Variants in FAM222B observed in about 807,000 individuals in gnomAD.
The protein encoded by FAM222B is protein FAM222B.
In FAM222B, 12 loss-of-function variants were observed where a neutral mutation model predicts 38.0. The ratio of observed to expected loss-of-function variants is 0.32; its 90% CI spans 0.20 to 0.51. The LOEUF (loss-of-function observed/expected upper bound fraction) is 0.51. FAM222B is among the 20% of genes least tolerant of loss of function. The pLI is 0.97. For synonymous variants in FAM222B, 329 were observed against 317.2 expected (o/e 1.04, Z -0.40); for missense variants, 716 against 754.2 (o/e 0.95, Z 0.59).
At chr17:28,787,050 G>A (rs1348029745) in intron 1 of FAM222B, among the ~76,000 whole-genome samples, 1 of 151,942 alleles carries the variant, frequency 6.6e-6, no homozygotes, top group African/African-American at 2.4e-5. Flanking sequence ...TCAGCCTCCT[G>A]AGTAGTTGAG....
intron 1 of FAM222B, among the ~76,000 whole-genome samples, chr17:28,835,408 C>T (rs1282790196): frequency 6.6e-6 from 1 of 152,064 alleles, no homozygotes; most frequent in African/African-American, 2.4e-5. Flanking sequence ...CAAGACATAA[C>T]ACATGGTAGA....
chr17:28,758,097 G>C lies in FAM222B; in HGVS notation c.*173C>G. The C allele has an allele frequency of 1.8e-6, 1 of 569,734 alleles. No homozygotes were observed. Among genetic ancestry groups the C allele is most frequent in the Non-Finnish European group, 3.0e-6 (1 of 338,652 alleles). 35.3% of individuals were successfully genotyped at this position (569,734 alleles called of 1,614,324 possible). The stretch of plus-strand genomic sequence containing the variant: ...CATAAAACCAAAAGTTGCTGGAGGG[G>C]AGGACGAGAGGACCCCTTCTGTCCC... On this transcript the variant is annotated 3_prime_UTR_variant, in exon 3 of 3. Coordinates refer to ENST00000581407, the MANE Select transcript of FAM222B (RefSeq NM_001077498.3).
intron 1 of FAM222B, among the ~76,000 whole-genome samples, chr17:28,801,144 G>A (rs948830672): frequency 6.8e-6 from 1 of 146,148 alleles, no homozygotes; most frequent in Non-Finnish European, 1.5e-5. Flanking sequence ...ACGACAGAGC[G>A]AGACTCCGTC....
intron 1 of FAM222B, among the ~76,000 whole-genome samples, chr17:28,841,575 T>C (rs916326104): frequency 6.6e-6 from 1 of 151,996 alleles, no homozygotes; most frequent in African/African-American, 2.4e-5. Context: ...GGGATTTCAC[T>C]ACGTTGGCTA....
chr17:28,767,994 C>T (rs2035422724), intron 1 of FAM222B, among the ~76,000 whole-genome samples: 1 of 152,164 alleles, frequency 6.6e-6, no homozygotes, highest in South Asian at 2.1e-4. Flanking sequence ...GCAATCCTGA[C>T]ATGTCAAGAC....
At chr17:28,779,327 T>TC (rs1567819945) in intron 1 of FAM222B, among the ~76,000 whole-genome samples, 4 of 152,100 alleles carry the variant, frequency 2.6e-5, no homozygotes, top group Non-Finnish European at 5.9e-5. Context: ...AAAAGAAGCA[T>TC]TCACCATGAT....
Position 28,818,833 on chromosome 17 carries a change from A to G in FAM222B, c.-41+23849T>C, listed in dbSNP as rs2038120330. On this transcript the variant is annotated intron_variant, in intron 1 of 2. Transcript: ENST00000581407. ...AAGTAAAAAGCCAAAATCCTGAAAA[A>G]GTTTCACACACATAGACAAAATGAG... Among the ~76,000 whole-genome samples the G allele has an allele frequency of 2.0e-5, 3 of 152,218 alleles. No homozygotes were observed. The South Asian group carries it at 6.2e-4, about 31-fold the overall frequency.
chr17:28,787,925 A>G (rs1035865988), intron 1 of FAM222B, among the ~76,000 whole-genome samples: 10 of 148,802 alleles, frequency 6.7e-5, no homozygotes, highest in Non-Finnish European at 1.2e-4. Context: ...CCTGGGTTCA[A>G]GCAATTCTCC....
At chr17:28,854,917 A>T in intron 1 of FAM222B, 1 of 1,140,748 alleles carries the variant, frequency 8.8e-7, no homozygotes, top group Non-Finnish European at 1.2e-6. Context: ...CCCACATCCC[A>T]TGTGTCTCGG....
At chr17:28,832,736 G>A (rs1382219268) in intron 1 of FAM222B, among the ~76,000 whole-genome samples, 1 of 152,146 alleles carries the variant, frequency 6.6e-6, no homozygotes, top group African/African-American at 2.4e-5. Flanking sequence ...TCCTAGCAGA[G>A]ACAGAGAAAT....
At chr17:28,796,699 G>T (rs1335729367) in intron 1 of FAM222B, among the ~76,000 whole-genome samples, 3 of 151,510 alleles carry the variant, frequency 2.0e-5, no homozygotes, top group African/African-American at 7.3e-5. Context: ...TGGCATTGTT[G>T]ATCTACTTCA....
chr17:28,764,705 C>T (rs1475962206), intron 2 of FAM222B, among the ~76,000 whole-genome samples: 1 of 151,906 alleles, frequency 6.6e-6, no homozygotes, highest in African/African-American at 2.4e-5. Context: ...CGAGATCACG[C>T]CATTGCACTC....
intron 1 of FAM222B, among the ~76,000 whole-genome samples, chr17:28,793,941 G>A (rs1330051212): frequency 1.3e-5 from 2 of 151,874 alleles, no homozygotes; most frequent in African/African-American, 4.8e-5. Flanking sequence ...TAGAGACAGG[G>A]TTTCTCCATG....
At position 28,758,957 on chromosome 17, in the gene FAM222B, G is replaced by A. The variant is rs554449532; in HGVS notation, c.1002C>T (p.Thr334=). The change falls in exon 3 of 3, where the codon ACC becomes ACT. Residue 334 remains threonine, a synonymous_variant. Transcript: ENST00000581407. ...VNPMEHTHAA[T]AALPAAGPVN... is the part of the protein sequence containing the mutation. ...CAGGACCTGCAGCAGGCAACGCGGCGGTGGCCGCGTGGGTGTGCTCCATGG... is the reference window on the plus strand; with the variant it reads ...CAGGACCTGCAGCAGGCAACGCGGCAGTGGCCGCGTGGGTGTGCTCCATGG... 130 of 1,610,578 alleles carry A rather than the reference G, an allele frequency of 8.1e-5. No homozygotes were observed. The highest frequency in any genetic ancestry group is 3.3e-4 in the Middle Eastern group (2 of 6,054).
intron 2 of FAM222B, 77 bp downstream of exon 2, chr17:28,766,509 A>G (rs2035335345): frequency 8.3e-7 from 1 of 1,200,496 alleles, no homozygotes; most frequent in Admixed American, 2.0e-5. Context: ...TGTACCCCAG[A>G]TGTGCTTCAA....
intron 1 of FAM222B, among the ~76,000 whole-genome samples, chr17:28,842,256 T>G (rs1275287911): frequency 1.3e-5 from 2 of 151,894 alleles, no homozygotes; most frequent in African/African-American, 2.4e-5. Context: ...CAAAAGAGGG[T>G]TCCCGACTCC....
At chr17:28,831,818 T>C (rs754438214) in intron 1 of FAM222B, among the ~76,000 whole-genome samples, 2 of 151,826 alleles carry the variant, frequency 1.3e-5, no homozygotes, top group Non-Finnish European at 2.9e-5. Context: ...TGCCTGACCA[T>C]GTCAAAGACT....
chr17:28,768,636 A>G (rs548350940), intron 1 of FAM222B, among the ~76,000 whole-genome samples: 1 of 152,166 alleles, frequency 6.6e-6, no homozygotes, highest in African/African-American at 2.4e-5. Context: ...CAGGAGTTCG[A>G]GAACAGCGTG....
At chr17:28,854,943 G>A in intron 1 of FAM222B, 1 of 1,436,728 alleles carries the variant, frequency 7.0e-7, no homozygotes, top group Non-Finnish European at 9.3e-7. Context: ...AATTTGGGCA[G>A]ACCTACCTCT....
Sources: allele counts gnomAD v4.1 joint callset (sites outside exome capture counted in the v4.1 genomes callset), GRCh38; gene constraint gnomAD v4.1.1; transcripts MANE v1.5; gene names NCBI Gene and HGNC (gene_info 2026-07-23, HGNC 2026-07-21).